The following ZFR variants were observed in gnomAD, a reference collection of about 807,000 sequenced individuals.
ZFR encodes zinc finger RNA-binding protein.
ZFR carries 19 observed loss-of-function variants against 130.7 expected under a neutral mutation model. That is an observed-to-expected ratio of 0.15 (90% confidence interval 0.10 to 0.21). The LOEUF is 0.21. ZFR is among the 10% of genes least tolerant of loss of function. The pLI is 1.00. For missense variants in ZFR, 872 were observed against 1,321.5 expected, an observed-to-expected ratio of 0.66 and a Z score of 5.27; for synonymous variants, 466 against 456.9, an observed-to-expected ratio of 1.02 and a Z score of -0.25.
intron 15 of ZFR, among the ~76,000 whole-genome samples, chr5:32,381,638 T>C (rs1374150231): frequency 2.6e-5 from 4 of 152,174 alleles, no homozygotes; most frequent in Non-Finnish European, 5.9e-5. Flanking sequence ...TCTTAAAGGA[T>C]AACTTGTTCT....
At chr5:32,363,254 A>C (rs1218491953) in intron 19 of ZFR, among the ~76,000 whole-genome samples, 1 of 152,182 alleles carries the variant, frequency 6.6e-6, no homozygotes, top group Non-Finnish European at 1.5e-5. Flanking sequence ...TGGAATCAAC[A>C]AAGGGAAGCT....
chr5:32,423,749 G>A lies in ZFR; in HGVS notation c.138-3646C>T, dbSNP rs553820704. Among the ~76,000 whole-genome samples the A allele has an allele frequency of 3.3e-5, 5 of 152,166 alleles. No individual in the cohort carries two copies. The East Asian group carries it at 7.7e-4, about 24-fold the overall frequency. On this transcript the variant is annotated intron_variant, in intron 2 of 19. Transcript: ENST00000265069. ...ACAGAGTGAAAAAAACAAACCTAGA[G>A]ACATAGCATTTTACTTTTCAAGACA...
At chr5:32,434,341 G>A (rs1039545606) in intron 2 of ZFR, among the ~76,000 whole-genome samples, 3 of 152,102 alleles carry the variant, frequency 2.0e-5, no homozygotes, top group Non-Finnish European at 4.4e-5. Flanking sequence ...GGTCTAGAGC[G>A]GTGCTTTTTG....
At chr5:32,405,678 A>G (rs1753565144) in intron 6 of ZFR, among the ~76,000 whole-genome samples, 1 of 152,174 alleles carries the variant, frequency 6.6e-6, no homozygotes, top group Non-Finnish European at 1.5e-5. Context: ...AAGACCGCCC[A>G]TCATTCTTGT....
chr5:32,385,783 T>C, intron 14 of ZFR, 134 bp from the exon 15 acceptor site: 1 of 881,198 alleles, frequency 1.1e-6, no homozygotes. Context: ...CTGCTCCTTC[T>C]AGGAAGCCCT....
intron 17 of ZFR, among the ~76,000 whole-genome samples, chr5:32,365,241 T>C (rs764052544): frequency 1.3e-5 from 2 of 152,202 alleles, no homozygotes; most frequent in African/African-American, 4.8e-5. Flanking sequence ...CTTAAGATGA[T>C]AATGAAAGCT....
intron 11 of ZFR, among the ~76,000 whole-genome samples, chr5:32,393,401 T>C (rs1278474554): frequency 6.6e-6 from 1 of 152,054 alleles, no homozygotes; most frequent in Admixed American, 6.5e-5. Flanking sequence ...TGGAGTATAA[T>C]GGCGCGATCT....
rs371003733 is a variant in ZFR at position 32,363,963 on chromosome 5, G to A, written c.3030C>T (p.Ile1010=). The A allele has an allele frequency of 3.0e-5, 49 of 1,613,910 alleles. No individual in the cohort carries two copies. The highest frequency in any genetic ancestry group is 3.9e-5 in the Non-Finnish European group (46 of 1,179,972). Residue 1010 remains isoleucine (I), a synonymous_variant, in exon 19 of 20, where the codon ATC becomes ATT. Coordinates refer to ENST00000265069, the MANE Select transcript of ZFR (RefSeq NM_016107.5). ...ATMTDQQRED[I]TSSAQFALRL... ...ATACCAGTACCTGTGCACTGGATGTGATGTCTTCACGCTGCTGGTCAGTCA... is the reference window on the plus strand; with the variant it reads ...ATACCAGTACCTGTGCACTGGATGTAATGTCTTCACGCTGCTGGTCAGTCA...
At chr5:32,373,107 T>C (rs1322097537) in intron 17 of ZFR, among the ~76,000 whole-genome samples, 1 of 152,022 alleles carries the variant, frequency 6.6e-6, no homozygotes, top group African/African-American at 2.4e-5. Context: ...ATATAAAAAT[T>C]CCCTTGGCTG....
intron 2 of ZFR, among the ~76,000 whole-genome samples, chr5:32,424,130 T>C (rs751466060): frequency 2.6e-5 from 4 of 152,062 alleles, no homozygotes; most frequent in Non-Finnish European, 4.4e-5. Flanking sequence ...TGAGTATAGA[T>C]TGGAATTAGG....
intron 4 of ZFR, among the ~76,000 whole-genome samples, chr5:32,415,511 TGTGTGCGC>T (rs1218031028): frequency 1.7e-4 from 16 of 93,482 alleles, no homozygotes; most frequent in African/African-American, 5.6e-4. Context: ...TGTGTGTGTG[TGTGTGCGC>T]GCGCGCGCGC....
chr5:32,437,411 CA>C (rs570526195), intron 2 of ZFR, among the ~76,000 whole-genome samples: 111 of 150,212 alleles, frequency 7.4e-4, no homozygotes, highest in African/African-American at 1.5e-3. Context: ...TCAAATAAAA[CA>C]AAAAAAAACC....
chr5:32,443,211 C>G (rs935637501), intron 2 of ZFR, among the ~76,000 whole-genome samples: 1 of 152,154 alleles, frequency 6.6e-6, no homozygotes, highest in Non-Finnish European at 1.5e-5. Context: ...CACGCAGGAG[C>G]CGTGTGCGCT....
chr5:32,375,943 G>A (rs567569400), intron 17 of ZFR, among the ~76,000 whole-genome samples: 3 of 151,822 alleles, frequency 2.0e-5, no homozygotes, highest in East Asian at 1.9e-4. Flanking sequence ...CTGAGTTCAA[G>A]TGATTCTCCT....
Position 32,415,168 on chromosome 5 carries a change from G to A in ZFR, c.585C>T (p.Ser195=), listed in dbSNP as rs1171114598. Residue 195 remains serine, a synonymous_variant, in exon 5 of 20, where the codon AGC becomes AGT. Transcript: ENST00000265069. The stretch of plus-strand genomic sequence containing the variant: ...CTTGAGTATACTGAGTTGCACCTTG[G>A]CTGTAACCTGCTTTGGGGGCTGAAG... ...YYQTAPKAGY[S]QGATQYTQAQ... 5 of 1,613,832 alleles carry A rather than the reference G, an allele frequency of 3.1e-6. No individual in the cohort carries two copies. The highest frequency in any genetic ancestry group is 4.2e-6 in the Non-Finnish European group (5 of 1,179,970).
chr5:32,441,887 GATGTACACTTAATCAATTT>G (rs1754483081), intron 2 of ZFR, among the ~76,000 whole-genome samples: 1 of 151,958 alleles, frequency 6.6e-6, no homozygotes, highest in South Asian at 2.1e-4. Context: ...TTTCTCATCA[GATGTACACTTAATCAATTT>G]AGTAACCTGG....
At chr5:32,397,432 A>G (rs1753339403) in intron 9 of ZFR, 94 bp from the exon 10 acceptor site, 2 of 1,467,198 alleles carry the variant, frequency 1.4e-6, no homozygotes, top group Admixed American at 4.3e-5. Flanking sequence ...GTACACAGTT[A>G]GAAAGAAGTG....
At chr5:32,402,662 C>T (rs1318584380) in intron 8 of ZFR, among the ~76,000 whole-genome samples, 1 of 151,438 alleles carries the variant, frequency 6.6e-6, no homozygotes, top group Non-Finnish European at 1.5e-5. Flanking sequence ...GCTATAGTCC[C>T]AGCTACTCAG....
chr5:32,387,833 A>G, intron 13 of ZFR, 134 bp from the exon 14 acceptor site: 2 of 810,062 alleles, frequency 2.5e-6, no homozygotes, highest in East Asian at 2.9e-5. Flanking sequence ...AAAGACATCC[A>G]GCATTTTTAG....
Sources: gnomAD v4.1 joint callset for allele counts (sites outside exome capture counted in the v4.1 genomes callset) on GRCh38, gnomAD v4.1.1 for gene constraint, MANE v1.5 for transcripts, NCBI Gene and HGNC (gene_info 2026-07-23, HGNC 2026-07-21) for gene names.